The following SRP19 variants were observed in gnomAD, a reference collection of about 807,000 sequenced individuals.
SRP19 encodes signal recognition particle 19.
A neutral mutation model predicts 22.4 loss-of-function variants in SRP19; 11 were observed. That is an observed-to-expected ratio of 0.49 (90% confidence interval 0.31 to 0.81). SRP19 has a LOEUF of 0.81. Ranked by LOEUF, SRP19 falls within the 40% of genes least tolerant of loss-of-function variation. The pLI is 0.05. For synonymous variants in SRP19, 61 were observed against 57.6 expected (o/e 1.06, Z -0.27); for missense variants, 168 against 175.9 (o/e 0.96, Z 0.25).
chr5:112,878,620 A>AGAC (rs1767968769), intron 4 of SRP19: 3 of 988,860 alleles, frequency 3.0e-6, no homozygotes, highest in Non-Finnish European at 4.4e-6. Context: ...CTATATATAT[A>AGAC]GACAGTAAAA....
rs534438561 is a variant in SRP19, at chr5:112,867,969, T to C, written c.*432T>C. Reference sequence around the variant, plus strand: ...AGGAGGGATAATTAAGAATAAAATATGTAGTGAAAGTTTCCATAGTGTGAG... The same window carrying C: ...AGGAGGGATAATTAAGAATAAAATACGTAGTGAAAGTTTCCATAGTGTGAG... On this transcript the variant is annotated 3_prime_UTR_variant, in exon 5 of 5. Coordinates refer to ENST00000505459, the MANE Select transcript of SRP19 (RefSeq NM_003135.3). The C allele has an allele frequency of 9.1e-6, 9 of 986,934 alleles. No homozygotes were observed. Among genetic ancestry groups the C allele is most frequent in the Non-Finnish European group, 1.1e-5 (9 of 830,866 alleles). The allele number at this position is 986,934 out of a possible 1,614,324, so 61.1% of individuals were successfully genotyped here.
At chr5:112,863,572 G>A (rs74462203) in intron 2 of SRP19, among the ~76,000 whole-genome samples, 1 of 152,174 alleles carries the variant, frequency 6.6e-6, no homozygotes, top group Admixed American at 6.5e-5. Context: ...GGGTAGGGAG[G>A]CTGAGGACAG....
Position 112,864,604 on chromosome 5 carries a change from TG to T in SRP19, c.190-16del, listed in dbSNP as rs1561638377. ...ACTTTCTTAAGTCCTGTTTTTCTTT[TG>T]TTTCGTTTATGTTAGAAAAATAAAA... On this transcript the variant is annotated splice_polypyrimidine_tract_variant and intron_variant, in intron 3 of 4. Transcript: ENST00000505459. 6.2e-7 allele frequency: 1 copy of T among 1,612,862 alleles called. No homozygotes were observed. Among genetic ancestry groups the T allele is most frequent in the South Asian group, 1.1e-5 (1 of 90,984 alleles).
At chr5:112,892,687 G>A (rs767938630) in exon 5 of SRP19, 3 of 1,614,014 alleles carry the variant, frequency 1.9e-6, no homozygotes, top group South Asian at 2.2e-5. Context: ...AGCTAATAGA[G>A]ACATCTACTT....
intron 4 of SRP19, chr5:112,877,177 T>C (rs1298557524): frequency 6.6e-6 from 1 of 152,206 alleles, no homozygotes; most frequent in Non-Finnish European, 1.5e-5. Context: ...CCAAAATAAA[T>C]GCTCTGATCC....
chr5:112,894,506 A>G (rs1580741560), downstream of SRP19: 1 of 152,258 alleles, frequency 6.6e-6, no homozygotes, highest in South Asian at 2.1e-4. Context: ...ATGCAATACA[A>G]CATTATGATA....
chr5:112,892,152 G>A (rs773937476), exon 5 of SRP19: 2 of 1,614,196 alleles, frequency 1.2e-6, no homozygotes, highest in South Asian at 2.2e-5. Context: ...GAGTAATGGA[G>A]AAGGATCGAG....
intron 4 of SRP19, among the ~76,000 whole-genome samples, chr5:112,887,470 T>G (rs977338201): frequency 6.6e-6 from 1 of 152,348 alleles, no homozygotes; most frequent in African/African-American, 2.4e-5. Context: ...AGTATATAGC[T>G]GTAAGAGGCT....
At chr5:112,884,258 A>G (rs1273175397) in intron 4 of SRP19, among the ~76,000 whole-genome samples, 1 of 151,976 alleles carries the variant, frequency 6.6e-6, no homozygotes, top group East Asian at 1.9e-4. Context: ...TCCATTCGCA[A>G]CTTCTTCCAC....
intron 4 of SRP19, chr5:112,876,922 T>A (rs1329432516): frequency 6.6e-6 from 1 of 152,212 alleles, no homozygotes; most frequent in Non-Finnish European, 1.5e-5. Context: ...TACCTCCTCA[T>A]CTTGTCTGAT....
intron 4 of SRP19, among the ~76,000 whole-genome samples, chr5:112,880,371 G>C (rs935220215): frequency 6.6e-6 from 1 of 152,196 alleles, no homozygotes; most frequent in Non-Finnish European, 1.5e-5. Context: ...GGAGGGGAAA[G>C]GGGTTGTCTA....
chr5:112,880,187 T>A (rs1281716496), intron 4 of SRP19, among the ~76,000 whole-genome samples: 2 of 151,640 alleles, frequency 1.3e-5, no homozygotes, highest in African/African-American at 4.9e-5. Flanking sequence ...GAGGTAGGAG[T>A]ATTCCTTGAA....
At chr5:112,864,145 A>T (rs571817600) in intron 2 of SRP19, among the ~76,000 whole-genome samples, 91 of 152,368 alleles carry the variant, frequency 6.0e-4, no homozygotes, top group Non-Finnish European at 3.4e-4. Flanking sequence ...TTGTTTAAGC[A>T]GTCAATAATC....
Position 112,877,813 on chromosome 5 carries a change from A to T in SRP19, c.301+13081A>T, listed in dbSNP as rs1181098389. The T allele has an allele frequency of 3.3e-5, 5 of 152,230 alleles. No individual in the cohort carries two copies. The East Asian group carries it at 9.6e-4, about 29-fold the overall frequency. The allele number at this position is 152,230 out of a possible 1,614,324, so 9.4% of individuals were successfully genotyped here. ...CTTCAGAAGTTCCTTAAACTGGTTT[A>T]AAAAAGAAGATTGGGAAAGAAGACT... On this transcript the variant is annotated intron_variant, in intron 4 of 4. Transcript: ENST00000391338.
chr5:112,873,041 C>G (rs931323186), downstream of SRP19, among the ~76,000 whole-genome samples: 32 of 149,278 alleles, frequency 2.1e-4, no homozygotes, highest in Admixed American at 6.7e-4. Flanking sequence ...TATCATGATC[C>G]TGGTTCCAGT....
At chr5:112,864,414 C>T (rs1172448781) in intron 2 of SRP19, 43 bp from the exon 3 acceptor site, 1 of 1,546,510 alleles carries the variant, frequency 6.5e-7, no homozygotes, top group Non-Finnish European at 8.9e-7. Context: ...GCAGTGTCCA[C>T]TTAAAGCACA....
intron 4 of SRP19, among the ~76,000 whole-genome samples, chr5:112,882,737 C>G (rs768157623): frequency 3.9e-5 from 6 of 152,174 alleles, no homozygotes; most frequent in Non-Finnish European, 7.3e-5. Flanking sequence ...TGATAGCCCA[C>G]GAAATTTAAA....
chr5:112,894,495 A>C (rs1021032271), downstream of SRP19: 1 of 152,182 alleles, frequency 6.6e-6, no homozygotes, highest in African/African-American at 2.4e-5. Flanking sequence ...ACATCCCCAA[A>C]ATGCAATACA....
rs1422572824 is a variant in SRP19 at position 112,868,399 on chromosome 5, T to A, written c.*862T>A. On this transcript the variant is annotated 3_prime_UTR_variant, in exon 5 of 5. Coordinates refer to ENST00000505459, the MANE Select transcript of SRP19 (RefSeq NM_003135.3). ...CAGTAAATTCCATTTTTTTTAAGTT[T>A]GTTTGTTTGTTTGTTTTTGAGATGG... The A allele has an allele frequency of 2.0e-6, 2 of 998,242 alleles. No individual in the cohort carries two copies. The highest frequency in any genetic ancestry group is 1.7e-5 in the African/African-American group (1 of 57,294). 61.8% of individuals were successfully genotyped at this position (998,242 alleles called of 1,614,324 possible).
Sources: gnomAD v4.1 joint callset for allele counts (sites outside exome capture counted in the v4.1 genomes callset) on GRCh38, gnomAD v4.1.1 for gene constraint, MANE v1.5 for transcripts, NCBI Gene and HGNC (gene_info 2026-07-23, HGNC 2026-07-21) for gene names.